Variants in AKAP6 observed in about 807,000 individuals in gnomAD.
The protein encoded by AKAP6 is A-kinase anchor protein 6.
Under a neutral mutation model 188.5 loss-of-function variants are expected in AKAP6, and 58 were observed. The ratio of observed to expected loss-of-function variants is 0.31; its 90% confidence interval spans 0.25 to 0.38. AKAP6 has a LOEUF of 0.38. AKAP6 is among the 10% of genes least tolerant of loss of function. The probability of loss-of-function intolerance (pLI) is 1.00; values close to 1 mark genes in which losing one functional copy is unlikely to be tolerated. For missense variants in AKAP6, 2,710 were observed against 2,740.0 expected, an observed-to-expected ratio of 0.99 and a Z score of 0.24; for synonymous variants, 989 against 998.6, an observed-to-expected ratio of 0.99 and a Z score of 0.18.
intron 1 of AKAP6, among the ~76,000 whole-genome samples, chr14:32,412,794 C>T (rs1889529632): frequency 6.6e-6 from 1 of 152,202 alleles, no homozygotes; most frequent in Non-Finnish European, 1.5e-5. Flanking sequence ...ATCAATAACA[C>T]ACACCACGGA....
intron 5 of AKAP6, among the ~76,000 whole-genome samples, chr14:32,586,488 G>A (rs1335737919): frequency 6.6e-6 from 1 of 152,124 alleles, no homozygotes; most frequent in Non-Finnish European, 1.5e-5. Flanking sequence ...TTAGCTGGGT[G>A]TGGTGGCGCG....
intron 7 of AKAP6, among the ~76,000 whole-genome samples, chr14:32,662,265 A>G (rs929626129): frequency 6.6e-6 from 1 of 152,096 alleles, no homozygotes; most frequent in Admixed American, 6.6e-5. Flanking sequence ...CTAACAGTAG[A>G]ATGTTTGTCA....
At chr14:32,575,549 T>C (rs1361270375) in intron 4 of AKAP6, among the ~76,000 whole-genome samples, 1 of 152,096 alleles carries the variant, frequency 6.6e-6, no homozygotes. Flanking sequence ...ATTGCAATTG[T>C]GTAGGTCTCA....
intron 13 of AKAP6, among the ~76,000 whole-genome samples, chr14:32,827,515 G>A (rs761065570): frequency 3.0e-4 from 45 of 152,128 alleles, no homozygotes; most frequent in Non-Finnish European, 4.6e-4. Flanking sequence ...AAAACCCACT[G>A]AAACTGCTTG....
chr14:32,732,323 T>A, intron 9 of AKAP6, 131 bp from the exon 10 acceptor site: 5 of 888,406 alleles, frequency 5.6e-6, no homozygotes, highest in Non-Finnish European at 8.4e-6. Flanking sequence ...AGTACTTAGG[T>A]TTAGCCTCCC....
intron 2 of AKAP6, among the ~76,000 whole-genome samples, chr14:32,502,833 T>C (rs1030356926): frequency 1.1e-4 from 16 of 152,142 alleles, no homozygotes; most frequent in African/African-American, 3.4e-4. Context: ...AAATGTACCA[T>C]ACTGATGAAC....
intron 1 of AKAP6, among the ~76,000 whole-genome samples, chr14:32,367,238 G>A (rs1394384003): frequency 6.6e-6 from 1 of 152,180 alleles, no homozygotes; most frequent in Admixed American, 6.5e-5. Context: ...ATAGATCAGT[G>A]TCGTCAGTTT....
At chr14:32,708,493 T>C (rs1461805090) in intron 9 of AKAP6, among the ~76,000 whole-genome samples, 1 of 151,954 alleles carries the variant, frequency 6.6e-6, no homozygotes, top group Non-Finnish European at 1.5e-5. Flanking sequence ...ATTCAGAATA[T>C]GGAAATTTAA....
At chr14:32,636,470 G>A (rs1193242878) in intron 7 of AKAP6, among the ~76,000 whole-genome samples, 2 of 152,046 alleles carry the variant, frequency 1.3e-5, no homozygotes, top group South Asian at 2.1e-4. Flanking sequence ...ATATAGATAG[G>A]TGCTGAGAGT....
At chr14:32,388,507 TA>T (rs1888605548) in intron 1 of AKAP6, among the ~76,000 whole-genome samples, 1 of 152,120 alleles carries the variant, frequency 6.6e-6, no homozygotes, top group Admixed American at 6.6e-5. Context: ...ACTTTCCTCT[TA>T]ACACTGCCTT....
At chr14:32,361,477 T>A (rs1352655251) in intron 1 of AKAP6, among the ~76,000 whole-genome samples, 1 of 152,134 alleles carries the variant, frequency 6.6e-6, no homozygotes, top group Non-Finnish European at 1.5e-5. Context: ...AACAGGGAAG[T>A]TGGTAGCTGT....
chr14:32,546,347 A>G lies in AKAP6; in HGVS notation c.1694A>G (p.Lys565Arg). 2 of 1,614,164 alleles carry G rather than the reference A, an allele frequency of 1.2e-6. No homozygotes were observed. Among genetic ancestry groups the G allele is most frequent in the South Asian group, 2.2e-5 (2 of 91,076 alleles). The change falls in exon 4 of 14, where the codon AAA becomes AGA. Residue 565 changes from lysine (K) to arginine (R), a missense_variant. Lys to Arg is a conservative substitution (Grantham distance 26, BLOSUM62 2). Transcript: ENST00000280979. Reference protein sequence around the residue: ...EPCNQRSWNAKLQLQSETSSS... With the variant: ...EPCNQRSWNARLQLQSETSSS... ...TGTAATCAGAGAAGTTGGAATGCCAAATTGCAATTGCAGTCAGAAACATCC... is the reference window on the plus strand; with the variant it reads ...TGTAATCAGAGAAGTTGGAATGCCAGATTGCAATTGCAGTCAGAAACATCC...
At chr14:32,735,414 G>A (rs900598660) in intron 10 of AKAP6, among the ~76,000 whole-genome samples, 2 of 152,096 alleles carry the variant, frequency 1.3e-5, no homozygotes, top group African/African-American at 4.8e-5. Context: ...TTAAGTATCC[G>A]CTGGTACTCA....
chr14:32,757,764 T>G (rs1425165024), intron 11 of AKAP6, among the ~76,000 whole-genome samples: 5 of 152,092 alleles, frequency 3.3e-5, no homozygotes, highest in Non-Finnish European at 7.4e-5. Flanking sequence ...GAGTAGGATG[T>G]GGATGTGGTT....
At position 32,631,702 on chromosome 14, in the gene AKAP6, C is replaced by G. The variant is rs1378953677; in HGVS notation, c.2730+30910C>G. Among the ~76,000 whole-genome samples, 5 of 151,982 alleles carry G rather than the reference C, an allele frequency of 3.3e-5. 1 individual carries two copies. ...AGTTGAGTTACTCTGCAGAAAGTAG[C>G]CTTAGAATAAGCTGTTGAAGTTGCC... On this transcript the variant is annotated intron_variant, in intron 7 of 13. Transcript: ENST00000280979.
At chr14:32,667,103 G>T (rs919156663) in intron 7 of AKAP6, among the ~76,000 whole-genome samples, 93 of 152,126 alleles carry the variant, frequency 6.1e-4, no homozygotes, top group Admixed American at 9.8e-4. Flanking sequence ...TCTTTGTTTT[G>T]AGGGTAATAC....
intron 7 of AKAP6, among the ~76,000 whole-genome samples, chr14:32,674,906 G>A (rs1475862929): frequency 6.6e-6 from 1 of 152,086 alleles, no homozygotes; most frequent in Non-Finnish European, 1.5e-5. Flanking sequence ...AAAGATCATT[G>A]AACAATAAAT....
chr14:32,752,985 A>T (rs2032197176), intron 11 of AKAP6, among the ~76,000 whole-genome samples: 1 of 152,102 alleles, frequency 6.6e-6, no homozygotes, highest in African/African-American at 2.4e-5. Context: ...CCATATCTTG[A>T]TTATTATGAA....
chr14:32,510,453 TA>T lies in AKAP6; in HGVS notation c.325-25100del, dbSNP rs1566546843. ...ATATATATGTGTATATATATATACA[TA>T]TATATGTGTATATATATATATACAT... On this transcript the variant is annotated intron_variant, in intron 2 of 13. Coordinates refer to ENST00000280979, the MANE Select transcript of AKAP6 (RefSeq NM_004274.5). Among the ~76,000 whole-genome samples the T allele has an allele frequency of 2.4e-5, 2 of 83,502 alleles. 1 individual carries two copies. The highest frequency in any genetic ancestry group is 9.4e-5 in the African/African-American group (2 of 21,284). The allele number at this position is 83,502 out of a possible 152,430, so 54.8% of individuals were successfully genotyped here. A position where few individuals can be genotyped will look rare whatever the true frequency, so the allele number is the denominator to read the frequency against.
Sources: gnomAD v4.1 joint callset for allele counts (sites outside exome capture counted in the v4.1 genomes callset) on GRCh38, gnomAD v4.1.1 for gene constraint, MANE v1.5 for transcripts, NCBI Gene and HGNC (gene_info 2026-07-23, HGNC 2026-07-21) for gene names.